Variants in CTNND2 observed in about 807,000 individuals in gnomAD.
CTNND2 encodes catenin delta-2.
CTNND2 carries 22 observed loss-of-function variants against 144.4 expected under a neutral mutation model. That is an observed-to-expected ratio of 0.15 (90% confidence interval 0.11 to 0.22). The LOEUF is 0.22. CTNND2 is among the 10% of genes least tolerant of loss of function. The pLI, the probability that CTNND2 is intolerant of heterozygous loss-of-function variation, is 1.00. For synonymous variants in CTNND2, 751 were observed against 695.6 expected, an observed-to-expected ratio of 1.08 and a Z score of -1.25; for missense variants, 1,353 against 1,618.8, an observed-to-expected ratio of 0.84 and a Z score of 2.82.
At chr5:11,713,853 A>G (rs774016865) in intron 2 of CTNND2, among the ~76,000 whole-genome samples, 327 of 152,080 alleles carry the variant, frequency 2.2e-3, no homozygotes, top group Non-Finnish European at 3.2e-3. Context: ...CATTAACACA[A>G]TCTAAACTTG....
intron 2 of CTNND2, among the ~76,000 whole-genome samples, chr5:11,614,115 T>C (rs759690066): frequency 1.3e-5 from 2 of 152,186 alleles, no homozygotes; most frequent in African/African-American, 2.4e-5. Flanking sequence ...TTTAAAATAG[T>C]GTGATTATTT....
rs2149798051 is a variant in CTNND2 at position 11,384,081 on chromosome 5, G to A, written c.1177+584C>T. 6.6e-6 allele frequency among the ~76,000 whole-genome samples: 1 copy of A among 152,284 alleles called. No homozygotes were observed. Among genetic ancestry groups the A allele is most frequent in the East Asian group, 1.9e-4 (1 of 5,186 alleles). ...AGGACCCAAGTACATCCAATGACAG[G>A]TATGGGAGAGTCCTTTAGTTTTCCC... On this transcript the variant is annotated intron_variant, in intron 7 of 21. Transcript: ENST00000304623. The surrounding 1 kb of genome is among the most constrained non-coding windows in gnomAD (Gnocchi z 5.2).
At chr5:11,327,112 G>A (rs1017637803) in intron 9 of CTNND2, among the ~76,000 whole-genome samples, 4 of 152,154 alleles carry the variant, frequency 2.6e-5, no homozygotes, top group African/African-American at 9.7e-5. Flanking sequence ...CAAGCTAGAG[G>A]GTATGCTACA....
chr5:11,695,156 C>G (rs1179389825), intron 2 of CTNND2, among the ~76,000 whole-genome samples: 5 of 152,060 alleles, frequency 3.3e-5, no homozygotes, highest in Non-Finnish European at 7.4e-5. Context: ...AAGGTCAGAC[C>G]AGGAAGAGAC....
At chr5:11,128,955 A>ATATATATATTATATAT (rs1561350915) in intron 12 of CTNND2, among the ~76,000 whole-genome samples, 2 of 48,988 alleles carry the variant, frequency 4.1e-5, no homozygotes, top group African/African-American at 1.3e-4. Context: ...TATAATATAT[A>ATATATATATTATATAT]AATATATATA....
At chr5:11,268,178 T>G (rs1745648058) in intron 9 of CTNND2, among the ~76,000 whole-genome samples, 1 of 152,258 alleles carries the variant, frequency 6.6e-6, no homozygotes, top group Non-Finnish European at 1.5e-5. Context: ...AAACATTTCC[T>G]TTTCCACATG....
intron 3 of CTNND2, among the ~76,000 whole-genome samples, chr5:11,545,342 T>C (rs1031380341): frequency 6.7e-6 from 1 of 149,320 alleles, no homozygotes; most frequent in African/African-American, 2.5e-5. Context: ...AATCAATCAA[T>C]AGAATGACCT....
At chr5:11,488,644 T>C (rs894075017) in intron 3 of CTNND2, among the ~76,000 whole-genome samples, 3 of 152,174 alleles carry the variant, frequency 2.0e-5, no homozygotes, top group Non-Finnish European at 2.9e-5. Context: ...ATGTAACTAG[T>C]AGCATAATCA....
chr5:11,672,139 T>C (rs1783904558), intron 2 of CTNND2, among the ~76,000 whole-genome samples: 1 of 152,200 alleles, frequency 6.6e-6, no homozygotes, highest in African/African-American at 2.4e-5. Context: ...TTCCTGCCTG[T>C]TCCTCCCTCT....
At chr5:11,425,496 G>GT (rs1762705487) in intron 3 of CTNND2, among the ~76,000 whole-genome samples, 2 of 152,328 alleles carry the variant, frequency 1.3e-5, no homozygotes, top group South Asian at 4.1e-4. Context: ...CACAGCAGCT[G>GT]TATGTGTCCT....
chr5:11,082,983 G>T, intron 15 of CTNND2, 137 bp from the exon 16 acceptor site: 1 of 924,614 alleles, frequency 1.1e-6, no homozygotes, highest in Non-Finnish European at 1.6e-6. Flanking sequence ...AGAATGGGTT[G>T]AATACGTTAG....
At chr5:11,245,389 C>T (rs376530332) in intron 9 of CTNND2, among the ~76,000 whole-genome samples, 11 of 152,076 alleles carry the variant, frequency 7.2e-5, no homozygotes, top group Non-Finnish European at 1.0e-4. Flanking sequence ...AGATGATCCT[C>T]GGTTAGCCAG....
intron 20 of CTNND2, among the ~76,000 whole-genome samples, chr5:10,982,206 G>A (rs1296364081): frequency 6.6e-6 from 1 of 152,224 alleles, no homozygotes; most frequent in Non-Finnish European, 1.5e-5. Context: ...GCAGGAGTCT[G>A]TATCAGCAGC....
At chr5:11,014,575 C>T (rs547148821) in intron 18 of CTNND2, among the ~76,000 whole-genome samples, 3 of 152,302 alleles carry the variant, frequency 2.0e-5, no homozygotes, top group South Asian at 4.1e-4. Context: ...GAAGGCCAAG[C>T]TTCACAAAAG....
intron 11 of CTNND2, among the ~76,000 whole-genome samples, chr5:11,194,100 G>A (rs1736615249): frequency 1.3e-5 from 2 of 152,164 alleles, no homozygotes; most frequent in Non-Finnish European, 2.9e-5. Context: ...TCACATTTCT[G>A]TAAGATACAA....
intron 3 of CTNND2, among the ~76,000 whole-genome samples, chr5:11,432,705 T>C (rs140183088): frequency 5.3e-4 from 80 of 152,040 alleles, no homozygotes; most frequent in African/African-American, 1.9e-3. Context: ...AAGAAAAAAA[T>C]TATAAGGAAA....
rs564316158 is a variant in CTNND2, at chr5:11,438,122, A to C, written c.288-26053T>G. 2.0e-5 allele frequency among the ~76,000 whole-genome samples: 3 copies of C among 152,370 alleles called. No homozygotes were observed. The South Asian group carries it at 6.2e-4, about 32-fold the overall frequency. ...GATCTCAGATGTACACAAAATGGCCAGCTGTGTATTGTGGACTGGATATAG... is the reference window on the plus strand; with the variant it reads ...GATCTCAGATGTACACAAAATGGCCCGCTGTGTATTGTGGACTGGATATAG... On this transcript the variant is annotated intron_variant, in intron 3 of 21. Transcript: ENST00000304623.
chr5:11,709,391 T>C (rs950127525), intron 2 of CTNND2, among the ~76,000 whole-genome samples: 2 of 152,218 alleles, frequency 1.3e-5, no homozygotes, highest in African/African-American at 4.8e-5. Flanking sequence ...CAATGACCAC[T>C]GACTCTAGAA....
chr5:11,640,046 T>C (rs1234853300), intron 2 of CTNND2, among the ~76,000 whole-genome samples: 1 of 152,254 alleles, frequency 6.6e-6, no homozygotes, highest in African/African-American at 2.4e-5. Flanking sequence ...ATCTTGGGTA[T>C]TGTTGCATGT....
Sources: gnomAD v4.1 joint callset for allele counts (sites outside exome capture counted in the v4.1 genomes callset) on GRCh38, gnomAD v4.1.1 for gene constraint, Gnocchi (gnomAD v3.1) non-coding constraint, MANE v1.5 for transcripts, NCBI Gene and HGNC (gene_info 2026-07-23, HGNC 2026-07-21) for gene names.